Variants in PALS1 observed in about 807,000 individuals in gnomAD.
The protein encoded by PALS1 is protein associated with LIN7 1, MAGUK p55 family member.
Under a neutral mutation model 78.9 loss-of-function variants are expected in PALS1, and 31 were observed. The ratio of observed to expected loss-of-function variants is 0.39; its 90% CI spans 0.30 to 0.53. PALS1 has a LOEUF of 0.53. PALS1 is among the 20% of genes least tolerant of loss of function. PALS1 has a pLI of 0.67. For synonymous variants in PALS1, 276 were observed against 270.9 expected, an observed-to-expected ratio of 1.02 and a Z score of -0.18; for missense variants, 704 against 826.5, an observed-to-expected ratio of 0.85 and a Z score of 1.82.
In PALS1 at chr14:67,321,209, C is replaced by T. The variant is rs773564259; in HGVS notation, c.1690C>T (p.Arg564Trp). 9.3e-6 allele frequency: 15 copies of T among 1,614,018 alleles called. No homozygotes were observed. In the African/African-American group the frequency reaches 1.1e-4, roughly 11 times the overall value. ...GTATGGAACTAGCATAGATTCTGTA[C>T]GGCAAGTGATCAACTCTGGCAAAAT... The part of the protein sequence containing the change: ...NLYGTSIDSV[R>W]QVINSGKICL... The change falls in exon 13 of 15, where the codon CGG (arginine) becomes TGG (tryptophan). Residue 564 changes from arginine (R) to tryptophan (W), a missense_variant. Physicochemically the swap from Arg to Trp is moderately radical, Grantham distance 101. Coordinates refer to ENST00000261681, the MANE Select transcript of PALS1 (RefSeq NM_022474.4).
intron 3 of PALS1, 174 bp downstream of exon 3, chr14:67,279,711 A>G (rs1029967095): frequency 1.8e-6 from 1 of 542,458 alleles, no homozygotes; most frequent in African/African-American, 1.9e-5. Flanking sequence ...ACTGTTACCA[A>G]CATAGAGCTA....
chr14:67,274,779 G>A lies in PALS1; in HGVS notation c.-153-4239G>A, dbSNP rs146749251. ...GCATGGAATGTTCTTCCATTTGTTT[G>A]TGTCCTCTTTTACTTGGTTGACCAG... On this transcript the variant is annotated intron_variant, in intron 2 of 14. Coordinates refer to ENST00000261681, the MANE Select transcript of PALS1 (RefSeq NM_022474.4). 6.9e-3 allele frequency among the ~76,000 whole-genome samples: 1,048 copies of A among 152,242 alleles called. 18 individuals are homozygous for A. The highest frequency in any genetic ancestry group is 0.024 in the African/African-American group (1,010 of 41,522).
At chr14:67,303,921 C>T (rs2084964393) in intron 8 of PALS1, 1 of 236,818 alleles carries the variant, frequency 4.2e-6, no homozygotes, top group African/African-American at 2.3e-5. Context: ...GCGCATGCCA[C>T]CACACCCAGC....
intron 14 of PALS1, among the ~76,000 whole-genome samples, chr14:67,329,698 G>C (rs577090581): frequency 3.3e-5 from 5 of 152,254 alleles, no homozygotes; most frequent in South Asian, 2.1e-4. Flanking sequence ...GGGCAACATA[G>C]TGAAATCCTG....
chr14:67,292,830 T>C lies in PALS1; in HGVS notation c.576+111T>C, dbSNP rs2084795522. ...TATAAGATTTGTTTGAATTAATTAC[T>C]GTTAATTACATGTTAATAATGTATT... On this transcript the variant is annotated intron_variant, in intron 4 of 14. Transcript: ENST00000261681. The C allele has an allele frequency of 6.5e-6, 5 of 774,050 alleles. No individual in the cohort carries two copies. The East Asian group carries it at 1.1e-4, about 17-fold the overall frequency. The allele number at this position is 774,050 out of a possible 1,614,324, so 47.9% of individuals were successfully genotyped here.
At chr14:67,266,049 C>T (rs965687374) in intron 1 of PALS1, among the ~76,000 whole-genome samples, 1 of 152,086 alleles carries the variant, frequency 6.6e-6, no homozygotes, top group South Asian at 2.1e-4. Context: ...CTCAGTGATA[C>T]TCCTGTCTCT....
chr14:67,332,631 G>A (rs1178059279), intron 14 of PALS1, 149 bp from the exon 15 acceptor site: 23 of 695,632 alleles, frequency 3.3e-5, no homozygotes, highest in South Asian at 2.7e-4. Context: ...CATTGTGGCC[G>A]TGACAGGGTT....
chr14:67,259,302 T>G (rs1555517643), intron 1 of PALS1, among the ~76,000 whole-genome samples: 3 of 151,992 alleles, frequency 2.0e-5, no homozygotes, highest in Non-Finnish European at 1.5e-5. Flanking sequence ...TAAAAAATAA[T>G]GGACTACTTT....
intron 1 of PALS1, chr14:67,241,746 C>T (rs1295483457): frequency 6.6e-6 from 1 of 152,134 alleles, no homozygotes; most frequent in Non-Finnish European, 1.5e-5. Flanking sequence ...TCCCTCGGAG[C>T]AACGCTGCCT....
intron 3 of PALS1, among the ~76,000 whole-genome samples, chr14:67,286,855 C>CAAA (rs201923149): frequency 1.3e-4 from 9 of 67,168 alleles, no homozygotes; most frequent in East Asian, 9.8e-4. Flanking sequence ...GACCTGGTCT[C>CAAA]AAAAAAAAAA....
Position 67,320,364 on chromosome 14 carries a change from A to G in PALS1, c.1504A>G (p.Lys502Glu). Residue 502 changes from lysine to glutamate, a missense_variant, in exon 12 of 15, where the codon AAA becomes GAA. Transcript: ENST00000261681. Reference protein sequence around the residue: ...QNELRQRLMNKEKDRFASAVP... With the variant: ...QNELRQRLMNEEKDRFASAVP... ...TGAATTGCGTCAGAGGCTCATGAAC[A>G]AAGAAAAGGACCGCTTTGCATCTGC... The G allele has an allele frequency of 6.2e-7, 1 of 1,610,362 alleles. No individual in the cohort carries two copies. Among genetic ancestry groups the G allele is most frequent in the Non-Finnish European group, 8.5e-7 (1 of 1,178,736 alleles).
At chr14:67,307,561 A>G (rs930544803) in intron 8 of PALS1, among the ~76,000 whole-genome samples, 2 of 152,250 alleles carry the variant, frequency 1.3e-5, no homozygotes, top group Admixed American at 6.5e-5. Context: ...AACCACTGCT[A>G]TCAAATACAT....
chr14:67,314,880 C>T (rs976904182), intron 9 of PALS1, among the ~76,000 whole-genome samples: 1 of 151,978 alleles, frequency 6.6e-6, no homozygotes, highest in East Asian at 1.9e-4. Flanking sequence ...TGCTTGAGCC[C>T]AGGAGTTTGA....
At chr14:67,313,598 G>A (rs1002183451) in intron 9 of PALS1, among the ~76,000 whole-genome samples, 1 of 152,100 alleles carries the variant, frequency 6.6e-6, no homozygotes, top group Non-Finnish European at 1.5e-5. Flanking sequence ...TATCGGAGAA[G>A]GCAAAGGAAT....
chr14:67,318,989 C>T (rs1438443604), intron 11 of PALS1, among the ~76,000 whole-genome samples: 1 of 150,870 alleles, frequency 6.6e-6, no homozygotes, highest in Non-Finnish European at 1.5e-5. Context: ...ACCCGGGAGG[C>T]GGAGCTTGCA....
intron 3 of PALS1, among the ~76,000 whole-genome samples, chr14:67,280,835 CCTTCCTTCCT>C: frequency 7.4e-6 from 1 of 134,328 alleles, no homozygotes; most frequent in Non-Finnish European, 1.5e-5. Context: ...TTCCTTCCTT[CCTTCCTTCCT>C]TCCTTCCTTC....
chr14:67,242,064 T>G (rs2083914676), intron 1 of PALS1: 1 of 152,232 alleles, frequency 6.6e-6, no homozygotes, highest in South Asian at 2.1e-4. Context: ...AAAAGCCTAG[T>G]TTTGTTCATG....
chr14:67,270,313 T>C (rs2084389453), intron 2 of PALS1: 1 of 152,194 alleles, frequency 6.6e-6, no homozygotes, highest in Admixed American at 6.5e-5. Flanking sequence ...AGCCTGAAAA[T>C]TTTTCTTGCT....
intron 1 of PALS1, among the ~76,000 whole-genome samples, chr14:67,249,264 A>G (rs1160034270): frequency 6.6e-6 from 1 of 152,216 alleles, no homozygotes. Context: ...GCTTGGCCTC[A>G]TACCAATGTT....
Sources: allele counts gnomAD v4.1 joint callset (sites outside exome capture counted in the v4.1 genomes callset), GRCh38; gene constraint gnomAD v4.1.1; transcripts MANE v1.5; gene names NCBI Gene and HGNC (gene_info 2026-07-23, HGNC 2026-07-21).